Variants in AMPH observed in about 807,000 individuals in gnomAD.
The protein encoded by AMPH is amphiphysin (Stiff-Mann syndrome with breast cancer 128kD autoantigen).
In AMPH, 49 loss-of-function variants were observed where a neutral mutation model predicts 99.1. The observed-to-expected ratio is 0.49, with a 90% CI of 0.39 to 0.63. AMPH has a LOEUF of 0.63. Among genes scored for constraint, AMPH ranks in the 20% least tolerant of loss-of-function variants. The pLI is 0.00. For synonymous variants in AMPH, 314 were observed against 317.3 expected (o/e 0.99, Z 0.11); for missense variants, 759 against 863.4 (o/e 0.88, Z 1.52).
At chr7:38,592,459 T>C (rs1792891223) in intron 1 of AMPH, among the ~76,000 whole-genome samples, 1 of 152,162 alleles carries the variant, frequency 6.6e-6, no homozygotes, top group Admixed American at 6.5e-5. Context: ...GGGCCCGGCA[T>C]GTTGGCTCAA....
chr7:38,464,324 C>T (rs915340272), intron 9 of AMPH, among the ~76,000 whole-genome samples: 3 of 152,168 alleles, frequency 2.0e-5, no homozygotes, highest in East Asian at 1.9e-4. Context: ...TGCCTAGCCC[C>T]ATACTGAAAT....
At chr7:38,624,546 TA>T (rs57099272) in intron 1 of AMPH, among the ~76,000 whole-genome samples, 14,445 of 130,142 alleles carry the variant, frequency 0.11, 845 homozygotes, top group South Asian at 0.19. Flanking sequence ...ACAGTCATGG[TA>T]AAAAAAAAAA....
At chr7:38,401,310 T>A (rs1237041090) in intron 17 of AMPH, among the ~76,000 whole-genome samples, 1 of 152,230 alleles carries the variant, frequency 6.6e-6, no homozygotes, top group African/African-American at 2.4e-5. Flanking sequence ...TTATAAGAAA[T>A]TTTTAAAAAA....
chr7:38,407,699 C>T (rs539540309), intron 17 of AMPH, among the ~76,000 whole-genome samples: 5 of 151,980 alleles, frequency 3.3e-5, no homozygotes, highest in African/African-American at 9.6e-5. Context: ...AGAATAAAGA[C>T]ATATATATTT....
At chr7:38,613,005 C>T (rs1007079034) in intron 1 of AMPH, among the ~76,000 whole-genome samples, 4 of 152,078 alleles carry the variant, frequency 2.6e-5, no homozygotes, top group African/African-American at 7.2e-5. Context: ...TACTACATAC[C>T]GTGCCAGTAC....
At chr7:38,415,263 C>CA (rs1040025017) in intron 17 of AMPH, among the ~76,000 whole-genome samples, 5 of 151,842 alleles carry the variant, frequency 3.3e-5, no homozygotes, top group East Asian at 1.9e-4. Flanking sequence ...ACCAAACAAA[C>CA]AAAAAAAACC....
At chr7:38,518,780 A>C (rs1789845436) in intron 2 of AMPH, among the ~76,000 whole-genome samples, 1 of 152,228 alleles carries the variant, frequency 6.6e-6, no homozygotes, top group East Asian at 1.9e-4. Flanking sequence ...TGATGTTGGA[A>C]TAAGTTAAGA....
intron 1 of AMPH, among the ~76,000 whole-genome samples, chr7:38,548,721 C>T (rs1407300928): frequency 1.3e-5 from 2 of 152,152 alleles, no homozygotes; most frequent in East Asian, 1.9e-4. Context: ...TATAGATGAG[C>T]TTGAGAAGGC....
chr7:38,545,971 GA>G (rs1790982956), intron 1 of AMPH, among the ~76,000 whole-genome samples: 1 of 152,204 alleles, frequency 6.6e-6, no homozygotes, highest in South Asian at 2.1e-4. Context: ...TACAGGGGGG[GA>G]TGATTGCTAA....
intron 1 of AMPH, among the ~76,000 whole-genome samples, chr7:38,599,780 T>TA (rs1366780559): frequency 1.1e-5 from 1 of 87,514 alleles, no homozygotes; most frequent in East Asian, 2.5e-4. Flanking sequence ...TTATCATTAA[T>TA]ATTAAATTTG....
At chr7:38,394,311 T>C in intron 17 of AMPH, 97 bp from the exon 18 acceptor site, 1 of 1,291,260 alleles carries the variant, frequency 7.7e-7, no homozygotes, top group Non-Finnish European at 1.1e-6. Context: ...CTGTGGAGGC[T>C]ATTCAGATTT....
At chr7:38,439,834 C>T (rs3778883) in intron 11 of AMPH, among the ~76,000 whole-genome samples, 93,794 of 151,814 alleles carry the variant, frequency 0.62, 29,802 homozygotes, top group East Asian at 0.87. Flanking sequence ...CTAAGTTTAT[C>T]AGTAAAGTAC....
chr7:38,539,920 A>G (rs983507107), intron 1 of AMPH, among the ~76,000 whole-genome samples: 2 of 152,250 alleles, frequency 1.3e-5, no homozygotes, highest in South Asian at 4.1e-4. Context: ...AGTGAAACCT[A>G]GAACTGAGAT....
At chr7:38,543,390 A>C (rs1341841357) in intron 1 of AMPH, among the ~76,000 whole-genome samples, 1 of 152,222 alleles carries the variant, frequency 6.6e-6, no homozygotes, top group Admixed American at 6.5e-5. Flanking sequence ...TAAGGCAAGA[A>C]GGGGCTGCTT....
intron 5 of AMPH, among the ~76,000 whole-genome samples, chr7:38,484,630 CA>C (rs1788419307): frequency 1.3e-5 from 2 of 151,968 alleles, no homozygotes; most frequent in African/African-American, 4.8e-5. Context: ...GGACACTAAA[CA>C]GCAAACAATA....
intron 18 of AMPH, among the ~76,000 whole-genome samples, chr7:38,393,393 G>T (rs529582294): frequency 6.6e-6 from 1 of 152,248 alleles, no homozygotes; most frequent in East Asian, 1.9e-4. Flanking sequence ...GCAGGCCCTG[G>T]GGTTGGAGGC....
chr7:38,515,421 T>A (rs987239282), intron 2 of AMPH, among the ~76,000 whole-genome samples: 1 of 152,194 alleles, frequency 6.6e-6, no homozygotes, highest in African/African-American at 2.4e-5. Flanking sequence ...CCTCCTTCAC[T>A]CTCTTCCTCC....
At chr7:38,555,459 A>T (rs1791330992) in intron 1 of AMPH, among the ~76,000 whole-genome samples, 1 of 152,140 alleles carries the variant, frequency 6.6e-6, no homozygotes, top group Non-Finnish European at 1.5e-5. Flanking sequence ...GAGCTGATGA[A>T]TTCATAGTCC....
At chr7:38,390,008 G>A in intron 19 of AMPH, 103 bp from the exon 20 acceptor site, 1 of 921,094 alleles carries the variant, frequency 1.1e-6, no homozygotes, top group South Asian at 1.4e-5. Flanking sequence ...GAAGATATTT[G>A]CCATATCCCA....
Sources: gnomAD v4.1 joint callset for allele counts (sites outside exome capture counted in the v4.1 genomes callset) on GRCh38, gnomAD v4.1.1 for gene constraint, MANE v1.5 for transcripts, NCBI Gene and HGNC (gene_info 2026-07-23, HGNC 2026-07-21) for gene names.